Variants in ZNF132 observed in about 807,000 individuals in gnomAD.
ZNF132 encodes the protein zinc finger protein 132 (clone pHZ-12).
ZNF132 carries 6 observed loss-of-function variants against 9.3 expected under a neutral mutation model. The observed-to-expected ratio is 0.65, with a 90% confidence interval of 0.35 to 1.28. The LOEUF (loss-of-function observed/expected upper bound fraction) is 1.28, where lower values mean the gene tolerates loss of function less well. Ranked by LOEUF, ZNF132 falls within the 50% of genes most tolerant of loss-of-function variation. The pLI is 0.03. For missense variants in ZNF132, 877 were observed against 843.2 expected, an observed-to-expected ratio of 1.04 and a Z score of -0.50; for synonymous variants, 296 against 292.0, an observed-to-expected ratio of 1.01 and a Z score of -0.14.
At position 58,435,205 on chromosome 19, in the gene ZNF132, C is replaced by G. The variant is rs779729736; in HGVS notation, c.239G>C (p.Trp80Ser). The change falls in exon 3 of 3, where the codon TGG becomes TCG. Residue 80 changes from tryptophan (W) to serine (S), a missense_variant. Physicochemically the swap from Trp to Ser is radical, Grantham distance 177. Coordinates refer to ENST00000254166, the MANE Select transcript of ZNF132 (RefSeq NM_003433.4). ...NLELVTSLGS[W>S]HGVEGEGAHP... Reference sequence around the variant, plus strand: ...GGCCCCCTCACCCTCTACTCCATGCCAAGAACCTGAAAGTAGAGAAATGCC... The same window carrying G: ...GGCCCCCTCACCCTCTACTCCATGCGAAGAACCTGAAAGTAGAGAAATGCC... 3.1e-6 allele frequency: 5 copies of G among 1,603,990 alleles called. No homozygotes were observed. In the South Asian group the frequency reaches 5.5e-5, roughly 18 times the overall value.
chr19:58,433,630 C>T lies in ZNF132; in HGVS notation c.1814G>A (p.Gly605Glu), dbSNP rs760986242. ...GEKPYKCSEC[G>E]KFFSRKSSLI... The stretch of plus-strand genomic sequence containing the variant: ...GCTGGATTTTCGGCTAAAGAATTTC[C>T]CACATTCACTGCATTTATAAGGCTT... The change falls in exon 3 of 3, where the codon GGG becomes GAG. Residue 605 changes from glycine (G) to glutamate (E), a missense_variant. Gly to Glu is a moderately conservative substitution (Grantham distance 98). Coordinates refer to ENST00000254166, the MANE Select transcript of ZNF132 (RefSeq NM_003433.4). 6.2e-7 allele frequency: 1 copy of T among 1,614,134 alleles called. No individual in the cohort carries two copies. The highest frequency in any genetic ancestry group is 1.1e-5 in the South Asian group (1 of 91,076).
chr19:58,436,538 GGCACCTGTAGTCCCA>G (rs1319944487), intron 2 of ZNF132, among the ~76,000 whole-genome samples: 1 of 151,732 alleles, frequency 6.6e-6, no homozygotes, highest in Non-Finnish European at 1.5e-5. Flanking sequence ...TGTGGTGGCA[GGCACCTGTAGTCCCA>G]GCTACTTGGG....
rs578093027 is a variant in ZNF132, at chr19:58,439,779, A to G, written c.43T>C (p.Leu15=). 4 of 1,545,850 alleles carry G rather than the reference A, an allele frequency of 2.6e-6. No individual in the cohort carries two copies. Among genetic ancestry groups the G allele is most frequent in the South Asian group, 1.2e-5 (1 of 82,962 alleles). ...CTTACCTGCGCCGGGCCCATCAGCA[A>G]CGCTGGCAACCCCATTAGAACCTGT... The part of the protein sequence containing the change: ...SPQVLMGLPA[L]LMGPAQHTSW... Residue 15 remains leucine (L), a synonymous_variant, in exon 1 of 3, where the codon TTG becomes CTG. Transcript: ENST00000254166.
rs771588641 is a variant in ZNF132, at chr19:58,433,418, C to T, written c.2026G>A (p.Val676Ile). Residue 676 changes from valine to isoleucine, a missense_variant, in exon 3 of 3, where the codon GTT becomes ATT. Transcript: ENST00000254166. ...ERSTLVRHQK[V>I]HTRERTYECS... is the part of the protein sequence containing the mutation. ...TCATAAGTCCTTTCTCTGGTGTGAA[C>T]TTTCTGGTGCCGAACAAGTGTAGAT... is the stretch of plus-strand genomic sequence containing the variant. 10 of 1,614,064 alleles carry T rather than the reference C, an allele frequency of 6.2e-6. No individual in the cohort carries two copies. The South Asian group carries it at 7.7e-5, about 12-fold the overall frequency.
chr19:58,435,378 G>A (rs2052767804), intron 2 of ZNF132, 167 bp from the exon 3 acceptor site: 2 of 749,356 alleles, frequency 2.7e-6, no homozygotes, highest in Middle Eastern at 3.7e-4. Flanking sequence ...CTATTGGCAG[G>A]ATAGGGACCA....
chr19:58,434,250 T>C lies in ZNF132; in HGVS notation c.1194A>G (p.Thr398=), dbSNP rs759899996. The C allele has an allele frequency of 1.9e-6, 3 of 1,612,804 alleles. No individual in the cohort carries two copies. Among genetic ancestry groups the C allele is most frequent in the South Asian group, 2.2e-5 (2 of 91,004 alleles). ...SNFLRHQKVH[T]QVRPYECSQC... is the part of the protein sequence containing the mutation. ...GACTGCACTCATAAGGTCTTACCTG[T>C]GTGTGAACTTTCTGATGCCGAAGGA... is the stretch of plus-strand genomic sequence containing the variant. Residue 398 remains threonine (T), a synonymous_variant, in exon 3 of 3, where the codon ACA becomes ACG. Coordinates refer to ENST00000254166, the MANE Select transcript of ZNF132 (RefSeq NM_003433.4).
Position 58,433,087 on chromosome 19 carries a change from C to G in ZNF132, c.*236G>C, listed in dbSNP as rs1267320040. 5 of 490,668 alleles carry G rather than the reference C, an allele frequency of 1.0e-5. No homozygotes were observed. The highest frequency in any genetic ancestry group is 1.8e-5 in the Non-Finnish European group (5 of 273,968). The allele number at this position is 490,668 out of a possible 1,614,324, so 30.4% of individuals were successfully genotyped here. On this transcript the variant is annotated 3_prime_UTR_variant, in exon 3 of 3. Transcript: ENST00000254166. ...GTTTTCCCCATGCATGAGGACAGGA[C>G]TGCTGCAAATTTTTGGATCCAGGCA...
chr19:58,439,907 C>G lies in ZNF132; in HGVS notation c.-86G>C. On this transcript the variant is annotated 5_prime_UTR_variant, in exon 1 of 3. Coordinates refer to ENST00000254166, the MANE Select transcript of ZNF132 (RefSeq NM_003433.4). ...CGGTCGCACTCAGGACCTGTCTTCC[C>G]AAATGCAAAATGCGCGCAAGGCCTC... 2 of 1,416,636 alleles carry G rather than the reference C, an allele frequency of 1.4e-6. No individual in the cohort carries two copies. Among genetic ancestry groups the G allele is most frequent in the Non-Finnish European group, 1.9e-6 (2 of 1,050,048 alleles). The allele number at this position is 1,416,636 out of a possible 1,614,324, so 87.8% of individuals were successfully genotyped here.
rs756307501 is a variant in ZNF132, at chr19:58,433,554, A to C, written c.1890T>G (p.Ser630Arg). ...VHTGERPYEC[S>R]ECGRAFSSNS... ...TACTGCTAAAGGCTCTCCCACATTC[A>C]CTGCATTCGTAAGGCCTTTCTCCAG... The change falls in exon 3 of 3, where the codon AGT (serine) becomes AGG (arginine). Residue 630 changes from serine to arginine, a missense_variant. Ser to Arg is a moderately radical substitution (Grantham distance 110). Coordinates refer to ENST00000254166, the MANE Select transcript of ZNF132 (RefSeq NM_003433.4). 4.3e-6 allele frequency: 7 copies of C among 1,614,040 alleles called. No homozygotes were observed. Among genetic ancestry groups the C allele is most frequent in the Non-Finnish European group, 5.9e-6 (7 of 1,180,020 alleles).
At position 58,433,171 on chromosome 19, in the gene ZNF132, G is replaced by T; in HGVS notation, c.*152C>A. 3 of 795,498 alleles carry T rather than the reference G, an allele frequency of 3.8e-6. No individual in the cohort carries two copies. The highest frequency in any genetic ancestry group is 3.2e-4 in the Middle Eastern group (1 of 3,120). The allele number at this position is 795,498 out of a possible 1,614,324, so 49.3% of individuals were successfully genotyped here. On this transcript the variant is annotated 3_prime_UTR_variant, in exon 3 of 3. Transcript: ENST00000254166. ...TGCATGGGTGAGATGGCCCTGCAAA[G>T]GTTCCTGGGCTGGTCAGAAACAGAG...
At chr19:58,436,940 G>A (rs778487222) in intron 2 of ZNF132, 107 bp downstream of exon 2, 22 of 1,501,924 alleles carry the variant, frequency 1.5e-5, no homozygotes, top group Admixed American at 3.3e-5. Context: ...CAGGAAACCC[G>A]AGAAGGAAGC....
Position 58,439,828 on chromosome 19 carries a change from A to G in ZNF132, c.-7T>C, listed in dbSNP as rs541487498. On this transcript the variant is annotated 5_prime_UTR_variant, in exon 1 of 3. Transcript: ENST00000254166. ...GTGGGCTGGGCAGGGCCATAACAGG[A>G]GGCCCAGGGCTAGCCCTGCCGCTGG... The G allele has an allele frequency of 6.5e-6, 10 of 1,542,084 alleles. No individual in the cohort carries two copies. The African/African-American group carries it at 1.2e-4, about 19-fold the overall frequency.
chr19:58,437,055 G>A lies in ZNF132; in HGVS notation c.224C>T (p.Thr75Ile), dbSNP rs758103270. The change falls in exon 2 of 3, where the codon ACC (threonine) becomes ATC (isoleucine). Residue 75 changes from threonine to isoleucine, a missense_variant. Transcript: ENST00000254166. ...SVMLENLELV[T>I]SLGSWHGVEG... Reference sequence around the variant, plus strand: ...CTGAGACAGGGCATTACCAAGTGAGGTCACAAGCTCAAGGTTTTCCAGCAT... The same window carrying A: ...CTGAGACAGGGCATTACCAAGTGAGATCACAAGCTCAAGGTTTTCCAGCAT... The A allele has an allele frequency of 1.2e-6, 2 of 1,614,158 alleles. No individual in the cohort carries two copies. Among genetic ancestry groups the A allele is most frequent in the East Asian group, 2.2e-5 (1 of 44,886 alleles).
Position 58,435,152 on chromosome 19 carries a change from C to A in ZNF132, c.292G>T (p.Val98Leu), listed in dbSNP as rs2052766463. The change falls in exon 3 of 3, where the codon GTG becomes TTG. Residue 98 changes from valine (V) to leucine (L), a missense_variant. Transcript: ENST00000254166. ...AHPKQNVSVE[V>L]LQVRIPNADP... ...GCATTAGGGATCCTGACCTGTAACA[C>A]TTCTACAGAAACATTCTGCTTGGGA... 1.2e-6 allele frequency: 2 copies of A among 1,614,200 alleles called. No homozygotes were observed. The highest frequency in any genetic ancestry group is 4.5e-5 in the East Asian group (2 of 44,882).
intron 2 of ZNF132, chr19:58,435,609 T>C (rs1337436736): frequency 6.1e-6 from 1 of 163,148 alleles, no homozygotes; most frequent in African/African-American, 2.4e-5. Context: ...AAAAAATAAA[T>C]GACAACAAAT....
Position 58,439,933 on chromosome 19 carries a change from T to G in ZNF132, c.-112A>C. On this transcript the variant is annotated 5_prime_UTR_variant, in exon 1 of 3. Coordinates refer to ENST00000254166, the MANE Select transcript of ZNF132 (RefSeq NM_003433.4). ...AAATGCAAAATGCGCGCAAGGCCTC[T>G]GGGCACCGCAGGGACGAAGGCTGGG... is the stretch of plus-strand genomic sequence containing the variant. 1.8e-6 allele frequency: 2 copies of G among 1,115,852 alleles called. No individual in the cohort carries two copies. Among genetic ancestry groups the G allele is most frequent in the Non-Finnish European group, 2.6e-6 (2 of 783,446 alleles). 69.1% of individuals were successfully genotyped at this position (1,115,852 alleles called of 1,614,324 possible).
At position 58,433,011 on chromosome 19, in the gene ZNF132, G is replaced by T; in HGVS notation, c.*312C>A. The T allele has an allele frequency of 3.1e-6, 1 of 320,442 alleles. No individual in the cohort carries two copies. Among genetic ancestry groups the T allele is most frequent in the Non-Finnish European group, 5.6e-6 (1 of 179,320 alleles). The allele number at this position is 320,442 out of a possible 1,614,324, so 19.8% of individuals were successfully genotyped here. On this transcript the variant is annotated 3_prime_UTR_variant, in exon 3 of 3. Coordinates refer to ENST00000254166, the MANE Select transcript of ZNF132 (RefSeq NM_003433.4). ...CCCCTCAACCAGCATCGGTTCAGCT[G>T]AGCACAGTCCTGAATCCCTAGAGAA...
In ZNF132 at chr19:58,437,169, A is replaced by C. The variant is rs765002621; in HGVS notation, c.110T>G (p.Met37Arg). ...TACAGCCACATCTTCAAAGGTTACC[A>C]TGCTCTTCAATGTGGGGACAGCTGA... ...CGSAVPTLKS[M>R]VTFEDVAVYF... The change falls in exon 2 of 3, where the codon ATG becomes AGG. Residue 37 changes from methionine (M) to arginine (R), a missense_variant. Coordinates refer to ENST00000254166, the MANE Select transcript of ZNF132 (RefSeq NM_003433.4). The C allele has an allele frequency of 9.3e-6, 15 of 1,612,816 alleles. No individual in the cohort carries two copies. In the Middle Eastern group the frequency reaches 8.2e-4, roughly 88 times the overall value.
Position 58,434,299 on chromosome 19 carries a change from C to A in ZNF132, c.1145G>T (p.Arg382Ile). Residue 382 changes from arginine to isoleucine, a missense_variant, in exon 3 of 3, where the codon AGA (arginine) becomes ATA (isoleucine). Transcript: ENST00000254166. ...GAAATTGGAGCTTTGGCTGAAGGCT[C>A]TTCCACATTTCAGGCACTCAAAAGG... ...ERPFECLKCG[R>I]AFSQSSNFLR... is the part of the protein sequence containing the mutation. The A allele has an allele frequency of 1.2e-6, 2 of 1,613,970 alleles. No homozygotes were observed. Among genetic ancestry groups the A allele is most frequent in the African/African-American group, 1.3e-5 (1 of 74,976 alleles).
Sources: allele counts gnomAD v4.1 joint callset (sites outside exome capture counted in the v4.1 genomes callset), GRCh38; gene constraint gnomAD v4.1.1; transcripts MANE v1.5; gene names NCBI Gene and HGNC (gene_info 2026-07-23, HGNC 2026-07-21).